The following MYO3B variants were observed in gnomAD, a reference collection of about 807,000 sequenced individuals.
The protein encoded by MYO3B is myosin IIIB.
In MYO3B, 156 loss-of-function variants were observed where a neutral mutation model predicts 174.6. The ratio of observed to expected loss-of-function variants is 0.89; its 90% CI spans 0.78 to 1.02. The LOEUF is 1.02. Ranked by LOEUF, MYO3B falls within the 50% of genes least tolerant of loss-of-function variation. MYO3B has a pLI of 0.00. For synonymous variants in MYO3B, 563 were observed against 569.1 expected (o/e 0.99, Z 0.15); for missense variants, 1,632 against 1,639.4 (o/e 1.00, Z 0.08).
At chr2:170,366,386 A>G (rs1366602107) in intron 8 of MYO3B, among the ~76,000 whole-genome samples, 1 of 151,926 alleles carries the variant, frequency 6.6e-6, no homozygotes, top group African/African-American at 2.4e-5. Flanking sequence ...CTGCAATCTC[A>G]AACTCCTGGG....
intron 6 of MYO3B, among the ~76,000 whole-genome samples, chr2:170,218,216 C>A (rs565810266): frequency 6.6e-5 from 10 of 152,278 alleles, no homozygotes; most frequent in African/African-American, 2.2e-4. Context: ...TCAGTGACCT[C>A]CCCCGCCTCC....
chr2:170,314,504 T>G (rs1198756709), intron 7 of MYO3B, among the ~76,000 whole-genome samples: 1 of 152,186 alleles, frequency 6.6e-6, no homozygotes, highest in Non-Finnish European at 1.5e-5. Context: ...TGTGCTCTCA[T>G]CTTATCACCT....
In MYO3B at chr2:170,215,904, C is replaced by G. The variant is rs558175905; in HGVS notation, c.526+1076C>G. On this transcript the variant is annotated intron_variant, in intron 5 of 34. Coordinates refer to ENST00000408978, the MANE Select transcript of MYO3B (RefSeq NM_138995.5). Reference sequence around the variant, plus strand: ...GTGGGAATTGATACTGATGTATTCACTCAGCAGCTTTGCGATTTGACATAG... The same window carrying G: ...GTGGGAATTGATACTGATGTATTCAGTCAGCAGCTTTGCGATTTGACATAG... 2.0e-5 allele frequency among the ~76,000 whole-genome samples: 3 copies of G among 152,304 alleles called. No individual in the cohort carries two copies. In the South Asian group the frequency reaches 6.2e-4, roughly 32 times the overall value.
intron 1 of MYO3B, among the ~76,000 whole-genome samples, chr2:170,194,603 G>A (rs1020404109): frequency 2.0e-5 from 3 of 152,012 alleles, no homozygotes; most frequent in Non-Finnish European, 4.4e-5. Flanking sequence ...TGTTTTATTT[G>A]CTTTTATTTG....
Position 170,551,538 on chromosome 2 carries a change from C to CAA in MYO3B, c.3733+7578_3733+7579dup, listed in dbSNP as rs3072763. 4.4e-4 allele frequency among the ~76,000 whole-genome samples: 25 copies of CAA among 56,192 alleles called. 1 individual carries two copies. Among genetic ancestry groups the CAA allele is most frequent in the African/African-American group, 1.3e-3 (20 of 15,830 alleles). 36.9% of individuals were successfully genotyped at this position (56,192 alleles called of 152,430 possible). ...ATAATGTTTGTTCCCTGACTTTTTG[C>CAA]AAAAAAAAAAAAAAAAAAAAAAAAA... On this transcript the variant is annotated intron_variant, in intron 32 of 34. Transcript: ENST00000408978.
At chr2:170,473,389 G>A (rs537909461) in intron 25 of MYO3B, among the ~76,000 whole-genome samples, 12 of 151,842 alleles carry the variant, frequency 7.9e-5, no homozygotes, top group East Asian at 7.8e-4. Context: ...CTTGTGATCC[G>A]CCTGCCTCGG....
intron 32 of MYO3B, among the ~76,000 whole-genome samples, chr2:170,587,189 G>A (rs149375454): frequency 2.3e-3 from 344 of 152,284 alleles, no homozygotes; most frequent in Admixed American, 3.7e-3. Flanking sequence ...ACTGACTTAT[G>A]TATTTACTAT....
At chr2:170,321,511 C>T (rs1402526554) in intron 7 of MYO3B, among the ~76,000 whole-genome samples, 1 of 152,092 alleles carries the variant, frequency 6.6e-6, no homozygotes, top group Non-Finnish European at 1.5e-5. Context: ...ATCTTAGTTC[C>T]TTGCGAATGA....
At chr2:170,460,304 A>G (rs1465033277) in intron 23 of MYO3B, among the ~76,000 whole-genome samples, 2 of 151,966 alleles carry the variant, frequency 1.3e-5, no homozygotes, top group Non-Finnish European at 2.9e-5. Context: ...CCTGACCAAC[A>G]TGGTGAAACC....
At chr2:170,635,379 G>A (rs544942764) in intron 32 of MYO3B, among the ~76,000 whole-genome samples, 10 of 152,142 alleles carry the variant, frequency 6.6e-5, no homozygotes, top group South Asian at 2.1e-4. Context: ...ACCAAACACT[G>A]CGTGTTCTCA....
rs758542640 is a variant in MYO3B at position 170,363,378 on chromosome 2, C to CAG, written c.816-5841_816-5840dup. Among the ~76,000 whole-genome samples the CAG allele has an allele frequency of 5.9e-4, 90 of 152,226 alleles. 1 individual carries two copies. The highest frequency in any genetic ancestry group is 1.2e-3 in the South Asian group (6 of 4,824). On this transcript the variant is annotated intron_variant, in intron 8 of 34. Coordinates refer to ENST00000408978, the MANE Select transcript of MYO3B (RefSeq NM_138995.5). ...GTTTTATTCATTGGTAAACAACAGT[C>CAG]AGAGGCTCTTGACAAATAGCTCCCC...
intron 32 of MYO3B, among the ~76,000 whole-genome samples, chr2:170,571,428 T>A (rs1692430769): frequency 6.6e-6 from 1 of 152,120 alleles, no homozygotes; most frequent in Non-Finnish European, 1.5e-5. Flanking sequence ...TAGGCTGAGT[T>A]CTGAGGAATG....
At chr2:170,336,781 A>AG (rs2093949941) in intron 8 of MYO3B, among the ~76,000 whole-genome samples, 1 of 152,164 alleles carries the variant, frequency 6.6e-6, no homozygotes, top group African/African-American at 2.4e-5. Context: ...ATTTGGCCCC[A>AG]GGGGGTTTGT....
chr2:170,654,640 T>C lies in MYO3B; in HGVS notation c.*1519T>C, dbSNP rs1357067256. ...TCCAGCCTGGGCGACAGGGCAAGAC[T>C]CTGTCTCAAAAAAAAAAAAAAAAAA... On this transcript the variant is annotated 3_prime_UTR_variant, in exon 35 of 35. Coordinates refer to ENST00000408978, the MANE Select transcript of MYO3B (RefSeq NM_138995.5). 4 of 103,558 alleles carry C rather than the reference T, an allele frequency of 3.9e-5. No individual in the cohort carries two copies. Among genetic ancestry groups the C allele is most frequent in the Non-Finnish European group, 6.9e-5 (4 of 57,908 alleles). 6.4% of individuals were successfully genotyped at this position (103,558 alleles called of 1,614,324 possible).
At chr2:170,419,873 A>G (rs2094604086) in intron 22 of MYO3B, among the ~76,000 whole-genome samples, 1 of 152,188 alleles carries the variant, frequency 6.6e-6, no homozygotes, top group African/African-American at 2.4e-5. Flanking sequence ...AATTGATGTA[A>G]CATTAAAGGT....
intron 7 of MYO3B, among the ~76,000 whole-genome samples, chr2:170,310,189 C>T (rs780018731): frequency 2.0e-5 from 3 of 152,130 alleles, no homozygotes; most frequent in African/African-American, 4.8e-5. Flanking sequence ...TTTGAGCTCT[C>T]GACGAAAAGC....
Position 170,284,263 on chromosome 2 carries a change from A to G in MYO3B, c.749+48127A>G, listed in dbSNP as rs143906676. Among the ~76,000 whole-genome samples the G allele has an allele frequency of 7.2e-5, 11 of 152,300 alleles. No homozygotes were observed. The East Asian group carries it at 1.9e-3, about 27-fold the overall frequency. On this transcript the variant is annotated intron_variant, in intron 7 of 34. Coordinates refer to ENST00000408978, the MANE Select transcript of MYO3B (RefSeq NM_138995.5). ...AATCCTTGGATAGGGCAGTGAATCA[A>G]ACATGGACTTTCAAGGGTTCCAGAG...
intron 23 of MYO3B, among the ~76,000 whole-genome samples, chr2:170,453,081 C>T (rs1183844768): frequency 6.6e-6 from 1 of 152,154 alleles, no homozygotes; most frequent in East Asian, 1.9e-4. Context: ...CTCTGGATGG[C>T]AGAGACTAAA....
At chr2:170,458,405 C>T (rs779198717) in intron 23 of MYO3B, among the ~76,000 whole-genome samples, 2 of 152,208 alleles carry the variant, frequency 1.3e-5, no homozygotes, top group Non-Finnish European at 2.9e-5. Context: ...TTGTCAATAG[C>T]AATCACTCAG....
Sources: gnomAD v4.1 joint callset for allele counts (sites outside exome capture counted in the v4.1 genomes callset) on GRCh38, gnomAD v4.1.1 for gene constraint, MANE v1.5 for transcripts, NCBI Gene and HGNC (gene_info 2026-07-23, HGNC 2026-07-21) for gene names.